The following PCSK5 variants were observed in gnomAD, a reference collection of about 807,000 sequenced individuals.
PCSK5 encodes the protein prohormone convertase 5.
Under a neutral mutation model 233.2 loss-of-function variants are expected in PCSK5, and 129 were observed. That is an observed-to-expected ratio of 0.55 (90% CI 0.48 to 0.64). The LOEUF (loss-of-function observed/expected upper bound fraction) is 0.64. Ranked by LOEUF, PCSK5 falls within the 30% of genes least tolerant of loss-of-function variation. PCSK5 has a pLI of 0.00. For synonymous variants in PCSK5, 825 were observed against 879.2 expected (o/e 0.94, Z 1.09); for missense variants, 2,076 against 2,430.1 (o/e 0.85, Z 3.06).
intron 20 of PCSK5, among the ~76,000 whole-genome samples, chr9:76,190,234 T>TA (rs1824305539): frequency 6.6e-6 from 1 of 152,108 alleles, no homozygotes; most frequent in African/African-American, 2.4e-5. Context: ...GACAAATGTA[T>TA]AACAACATGT....
At chr9:76,134,260 T>C (rs1822881683) in intron 10 of PCSK5, 48 bp downstream of exon 10, 1 of 1,210,278 alleles carries the variant, frequency 8.3e-7, no homozygotes, top group Non-Finnish European at 1.2e-6. Flanking sequence ...TTTTTATTTT[T>C]CCCCCATTTT....
chr9:76,146,563 G>T (rs1372383716), intron 10 of PCSK5, among the ~76,000 whole-genome samples: 1 of 151,314 alleles, frequency 6.6e-6, no homozygotes, highest in Non-Finnish European at 1.5e-5. Flanking sequence ...TATTGCACAT[G>T]ATGTTTTAAT....
Position 75,891,352 on chromosome 9 carries a change from C to T in PCSK5, c.171C>T (p.Tyr57=), listed in dbSNP as rs995252484. 2 of 1,564,508 alleles carry T rather than the reference C, an allele frequency of 1.3e-6. No homozygotes were observed. The highest frequency in any genetic ancestry group is 1.4e-5 in the African/African-American group (1 of 71,202). ...FPEANRIASK[Y]GFINIGQIGA... ...AGGCCAACCGTATCGCCAGCAAGTA[C>T]GGATTCATCAACATAGGACAGGTAA... Residue 57 remains tyrosine, a synonymous_variant, in exon 1 of 38, where the codon TAC becomes TAT. Transcript: ENST00000674117.
intron 10 of PCSK5, among the ~76,000 whole-genome samples, chr9:76,147,731 T>G (rs1173628892): frequency 6.6e-6 from 1 of 152,178 alleles, no homozygotes; most frequent in Admixed American, 6.5e-5. Context: ...AAGAATAAAG[T>G]GCCATCCCTG....
intron 3 of PCSK5, among the ~76,000 whole-genome samples, chr9:75,988,086 T>A (rs1470226287): frequency 6.6e-6 from 1 of 152,210 alleles, no homozygotes. Context: ...TGAGATCTTG[T>A]CACTCTGAAG....
chr9:76,151,784 T>A (rs1319107814), intron 10 of PCSK5, among the ~76,000 whole-genome samples: 1 of 152,208 alleles, frequency 6.6e-6, no homozygotes, highest in African/African-American at 2.4e-5. Context: ...CCTTTTATAC[T>A]TACAGTAATT....
chr9:76,223,306 G>A (rs1400327132), intron 20 of PCSK5, among the ~76,000 whole-genome samples: 2 of 152,164 alleles, frequency 1.3e-5, no homozygotes, highest in African/African-American at 2.4e-5. Context: ...ATTTGTTCAG[G>A]AGAAATGAGG....
intron 3 of PCSK5, among the ~76,000 whole-genome samples, chr9:75,988,662 C>G (rs1257752564): frequency 6.6e-6 from 1 of 152,168 alleles, no homozygotes; most frequent in Admixed American, 6.5e-5. Flanking sequence ...AATGATCCTC[C>G]CACTTGGCCT....
intron 20 of PCSK5, among the ~76,000 whole-genome samples, chr9:76,226,322 T>C (rs543942727): frequency 1.3e-5 from 2 of 152,196 alleles, no homozygotes; most frequent in Admixed American, 6.5e-5. Context: ...TTTACATATA[T>C]AAGATTTACT....
chr9:76,044,122 C>G (rs780840335), intron 5 of PCSK5, among the ~76,000 whole-genome samples: 2 of 151,976 alleles, frequency 1.3e-5, no homozygotes, highest in African/African-American at 2.4e-5. Flanking sequence ...AAGGTTAAGC[C>G]TCTTAAATAG....
intron 20 of PCSK5, among the ~76,000 whole-genome samples, chr9:76,218,035 TGAA>T: frequency 6.6e-6 from 1 of 152,068 alleles, no homozygotes; most frequent in East Asian, 1.9e-4. Flanking sequence ...ACCCACTCAG[TGAA>T]GAAGCAGGTA....
At chr9:75,945,161 CAT>C (rs1824506536) in intron 2 of PCSK5, among the ~76,000 whole-genome samples, 1 of 150,250 alleles carries the variant, frequency 6.7e-6, no homozygotes, top group African/African-American at 2.4e-5. Context: ...ATAAGAATAA[CAT>C]ATAAGATATA....
At chr9:76,151,720 C>T (rs1160157188) in intron 10 of PCSK5, among the ~76,000 whole-genome samples, 3 of 152,220 alleles carry the variant, frequency 2.0e-5, no homozygotes, top group African/African-American at 7.2e-5. Flanking sequence ...ACTTACTATA[C>T]ACCTGGTTGC....
intron 7 of PCSK5, among the ~76,000 whole-genome samples, chr9:76,083,667 A>G (rs1317872713): frequency 2.0e-5 from 3 of 152,240 alleles, no homozygotes; most frequent in Non-Finnish European, 4.4e-5. Context: ...CCTTCCCATC[A>G]TCAAATGCCT....
chr9:76,199,325 G>T (rs1013397208), intron 20 of PCSK5, among the ~76,000 whole-genome samples: 1 of 152,278 alleles, frequency 6.6e-6, no homozygotes, highest in Non-Finnish European at 1.5e-5. Flanking sequence ...TCTAAACATA[G>T]AAAAGGTATG....
At position 76,266,722 on chromosome 9, in the gene PCSK5, A is replaced by G. The variant is rs1410337355; in HGVS notation, c.3143-25511A>G. 2.0e-5 allele frequency among the ~76,000 whole-genome samples: 3 copies of G among 152,202 alleles called. 1 individual carries two copies. The East Asian group carries it at 5.8e-4, about 29-fold the overall frequency. On this transcript the variant is annotated intron_variant, in intron 24 of 37. Transcript: ENST00000674117. Reference sequence around the variant, plus strand: ...GACTTAAGCAGCCACTTGTGCATCTATCATTGAATAGAGCCTCAAGATACT... The same window carrying G: ...GACTTAAGCAGCCACTTGTGCATCTGTCATTGAATAGAGCCTCAAGATACT...
Position 76,159,213 on chromosome 9 carries a change from G to A in PCSK5, c.1619+42G>A, listed in dbSNP as rs753367270. On this transcript the variant is annotated intron_variant, in intron 12 of 37. Coordinates refer to ENST00000674117, the MANE Select transcript of PCSK5 (RefSeq NM_001372043.1). ...TGCCCACCAGTGTAGTAGTCACAGC[G>A]ACACTCGGCTATTCCTTAGGTAGAA... 9.4e-5 allele frequency: 146 copies of A among 1,561,422 alleles called. 1 individual carries two copies. Among genetic ancestry groups the A allele is most frequent in the South Asian group, 6.8e-4 (60 of 88,068 alleles).
At chr9:76,017,359 A>G (rs1353062951) in intron 3 of PCSK5, among the ~76,000 whole-genome samples, 1 of 152,184 alleles carries the variant, frequency 6.6e-6, no homozygotes, top group Non-Finnish European at 1.5e-5. Flanking sequence ...CTTTTTTAAA[A>G]AAACTAAAAT....
At chr9:76,297,235 C>G (rs966914195) in intron 27 of PCSK5, among the ~76,000 whole-genome samples, 1 of 152,202 alleles carries the variant, frequency 6.6e-6, no homozygotes, top group Non-Finnish European at 1.5e-5. Context: ...GCATGTCCTA[C>G]GTCCTTATTA....
Sources: allele counts gnomAD v4.1 joint callset (sites outside exome capture counted in the v4.1 genomes callset), GRCh38; gene constraint gnomAD v4.1.1; transcripts MANE v1.5; gene names NCBI Gene and HGNC (gene_info 2026-07-23, HGNC 2026-07-21).